Variants in TYW1B observed in about 807,000 individuals in gnomAD.
TYW1B encodes the protein tRNA-yW synthesizing protein 1 homolog B, also known as S-adenosyl-L-methionine-dependent tRNA 4-demethylwyosine synthase TYW1B.
In TYW1B, 73 loss-of-function variants were observed where a neutral mutation model predicts 86.9. The observed-to-expected ratio is 0.84, with a 90% CI of 0.70 to 1.02. TYW1B has a LOEUF of 1.02. Among genes scored for constraint, TYW1B ranks in the 50% least tolerant of loss-of-function variants. The pLI, the probability that TYW1B is intolerant of heterozygous loss-of-function variation, is 0.00. For missense variants in TYW1B, 637 were observed against 827.4 expected, an observed-to-expected ratio of 0.77 and a Z score of 2.82; for synonymous variants, 248 against 292.8, an observed-to-expected ratio of 0.85 and a Z score of 1.56.
intron 1 of TYW1B, among the ~76,000 whole-genome samples, chr7:72,827,226 G>A (rs1175238135): frequency 6.6e-6 from 1 of 151,988 alleles, no homozygotes; most frequent in African/African-American, 2.4e-5. Context: ...TGGCCAACAT[G>A]GTGAAACCCC....
At chr7:72,792,548 AAACTTTTTGC>A (rs1335162089) in intron 6 of TYW1B, among the ~76,000 whole-genome samples, 1 of 152,186 alleles carries the variant, frequency 6.6e-6, no homozygotes, top group African/African-American at 2.4e-5. Context: ...AACAGAAGGG[AAACTTTTTGC>A]AACTTTTACA....
chr7:72,645,448 C>T (rs1298519742), intron 11 of TYW1B, among the ~76,000 whole-genome samples: 1 of 152,208 alleles, frequency 6.6e-6, no homozygotes, highest in Middle Eastern at 3.4e-3. Flanking sequence ...ACACAGTGAA[C>T]ATCAGTTAGT....
At chr7:72,819,108 C>A (rs1342192127) in intron 2 of TYW1B, among the ~76,000 whole-genome samples, 3 of 151,936 alleles carry the variant, frequency 2.0e-5, no homozygotes, top group Non-Finnish European at 2.9e-5. Context: ...TCCCAGGCGG[C>A]AGGAACAGTG....
chr7:72,664,852 T>C (rs375127598), intron 11 of TYW1B, among the ~76,000 whole-genome samples: 1 of 152,196 alleles, frequency 6.6e-6, no homozygotes, highest in African/African-American at 2.4e-5. Context: ...GCAAAATCCA[T>C]GGATGCTCCA....
intron 11 of TYW1B, among the ~76,000 whole-genome samples, chr7:72,651,355 C>T (rs181247672): frequency 7.8e-4 from 119 of 152,320 alleles, no homozygotes; most frequent in African/African-American, 2.6e-3. Context: ...CAGTGGATCA[C>T]GCCTGTAATC....
At chr7:72,644,681 T>C (rs1458792103) in intron 11 of TYW1B, among the ~76,000 whole-genome samples, 4 of 151,958 alleles carry the variant, frequency 2.6e-5, no homozygotes, top group South Asian at 2.1e-4. Context: ...ATAAACAGCA[T>C]TGAATCAAAT....
intron 7 of TYW1B, among the ~76,000 whole-genome samples, chr7:72,747,148 T>C (rs1787409698): frequency 6.6e-6 from 1 of 152,208 alleles, no homozygotes; most frequent in Admixed American, 6.5e-5. Flanking sequence ...ACTTGAATTG[T>C]AGCTCCCAGA....
chr7:72,608,966 G>A (rs1554435396), intron 13 of TYW1B, among the ~76,000 whole-genome samples: 6 of 152,182 alleles, frequency 3.9e-5, no homozygotes, highest in African/African-American at 1.4e-4. Flanking sequence ...ACACATGTGA[G>A]TGCATTTAAA....
chr7:72,698,241 T>G (rs1554451844), intron 10 of TYW1B, among the ~76,000 whole-genome samples: 1 of 152,142 alleles, frequency 6.6e-6, no homozygotes, highest in African/African-American at 2.4e-5. Flanking sequence ...TCTTGATCAG[T>G]TCACTGAATC....
intron 7 of TYW1B, among the ~76,000 whole-genome samples, chr7:72,752,895 T>C (rs565685025): frequency 2.6e-5 from 4 of 152,202 alleles, no homozygotes; most frequent in African/African-American, 9.6e-5. Flanking sequence ...CCAGCCAAAG[T>C]GTGAAAATTT....
chr7:72,767,000 A>G (rs1787782076), intron 7 of TYW1B, among the ~76,000 whole-genome samples: 1 of 152,192 alleles, frequency 6.6e-6, no homozygotes, highest in Admixed American at 6.6e-5. Flanking sequence ...CTTGATCAAA[A>G]GGAAGAAATG....
At chr7:72,632,285 G>GTATATATATATATATATATATAT (rs1239640717) in intron 11 of TYW1B, among the ~76,000 whole-genome samples, 3 of 83,542 alleles carry the variant, frequency 3.6e-5, no homozygotes, top group South Asian at 6.4e-4. Flanking sequence ...ATATATACGT[G>GTATATATATATATATATATATAT]TATATATATA....
chr7:72,739,052 C>T (rs1333214070), intron 8 of TYW1B, among the ~76,000 whole-genome samples: 1 of 152,086 alleles, frequency 6.6e-6, no homozygotes. Context: ...CACCACTGTA[C>T]TCTAGCCTAG....
intron 7 of TYW1B, among the ~76,000 whole-genome samples, chr7:72,767,323 T>C (rs1328618808): frequency 3.9e-5 from 6 of 152,142 alleles, no homozygotes; most frequent in Non-Finnish European, 8.8e-5. Context: ...ATCTTTGTCT[T>C]TGGCCAGGCA....
intron 11 of TYW1B, among the ~76,000 whole-genome samples, chr7:72,662,436 T>C (rs77912971): frequency 1.2e-4 from 16 of 135,828 alleles, no homozygotes; most frequent in African/African-American, 2.9e-4. Flanking sequence ...TATAGATAGA[T>C]AGATAGATAG....
chr7:72,686,357 G>T (rs1814005758), intron 11 of TYW1B, among the ~76,000 whole-genome samples: 1 of 152,144 alleles, frequency 6.6e-6, no homozygotes, highest in Non-Finnish European at 1.5e-5. Context: ...CCAGACAATG[G>T]AATATTGTTT....
chr7:72,752,445 A>T (rs1787516083), intron 7 of TYW1B, among the ~76,000 whole-genome samples: 1 of 152,138 alleles, frequency 6.6e-6, no homozygotes, highest in African/African-American at 2.4e-5. Context: ...ATAAAAACTT[A>T]TCAGGCAGAG....
chr7:72,719,862 G>A (rs1200385162), intron 9 of TYW1B, among the ~76,000 whole-genome samples: 3 of 152,212 alleles, frequency 2.0e-5, no homozygotes, highest in Admixed American at 2.0e-4. Flanking sequence ...CCCCAAGGTG[G>A]GAGCCTGCCT....
intron 11 of TYW1B, among the ~76,000 whole-genome samples, chr7:72,687,299 G>A (rs1814030544): frequency 6.6e-6 from 1 of 152,182 alleles, no homozygotes; most frequent in Non-Finnish European, 1.5e-5. Context: ...GCTGGGCATG[G>A]TGGTGCATGC....
Sources: allele counts gnomAD v4.1 joint callset (sites outside exome capture counted in the v4.1 genomes callset), GRCh38; gene constraint gnomAD v4.1.1; transcripts MANE v1.5; gene names NCBI Gene and HGNC (gene_info 2026-07-23, HGNC 2026-07-21).